Variants in SEM1 observed in about 807,000 individuals in gnomAD.
The protein encoded by SEM1 is 26S proteasome complex subunit SEM1.
Under a neutral mutation model 12.7 loss-of-function variants are expected in SEM1, and 3 were observed. That is an observed-to-expected ratio of 0.24 (90% CI 0.11 to 0.61). The LOEUF (loss-of-function observed/expected upper bound fraction) is 0.61, where lower values mean the gene tolerates loss of function less well. SEM1 is among the 20% of genes least tolerant of loss of function. The pLI, the probability that SEM1 is intolerant of heterozygous loss-of-function variation, is 0.88. For missense variants in SEM1, 59 were observed against 81.3 expected, an observed-to-expected ratio of 0.73 and a Z score of 1.06; for synonymous variants, 30 against 27.8, an observed-to-expected ratio of 1.08 and a Z score of -0.25.
downstream of SEM1, chr7:96,672,460 A>G (rs1789343329): frequency 6.6e-6 from 1 of 152,138 alleles, no homozygotes; most frequent in African/African-American, 2.4e-5. Flanking sequence ...AGTTTTTTAC[A>G]CTTTGATTTT....
intron 2 of SEM1, among the ~76,000 whole-genome samples, chr7:96,563,411 A>G (rs1055865310): frequency 2.0e-5 from 3 of 152,174 alleles, no homozygotes; most frequent in African/African-American, 4.8e-5. Context: ...GGCAAGTATT[A>G]TGACTGCCAG....
At chr7:96,567,564 G>C (rs974657131) in intron 2 of SEM1, among the ~76,000 whole-genome samples, 1 of 151,290 alleles carries the variant, frequency 6.6e-6, no homozygotes, top group African/African-American at 2.4e-5. Flanking sequence ...TGTAATGGTG[G>C]ACATCATTGT....
intron 1 of SEM1, among the ~76,000 whole-genome samples, chr7:96,700,552 T>A (rs1790239279): frequency 6.6e-6 from 1 of 152,190 alleles, no homozygotes; most frequent in African/African-American, 2.4e-5. Flanking sequence ...AAAAAATCTG[T>A]GTATAAATGG....
In SEM1 at chr7:96,709,835, GC is replaced by G; in HGVS notation, c.-73del. 3 of 1,436,730 alleles carry G rather than the reference GC, an allele frequency of 2.1e-6. No homozygotes were observed. The highest frequency in any genetic ancestry group is 2.9e-6 in the Non-Finnish European group (3 of 1,022,878). The allele number at this position is 1,436,730 out of a possible 1,614,324, so 89.0% of individuals were successfully genotyped here. A position where few individuals can be genotyped will look rare whatever the true frequency, so the allele number is the denominator to read the frequency against. Reference sequence around the variant, plus strand: ...AACCCTCACTCTTCCTCAAGGAAACGCCACCGTCACTACCGCCTCCGACGCT... The same window carrying G: ...AACCCTCACTCTTCCTCAAGGAAACGCACCGTCACTACCGCCTCCGACGCT... On this transcript the variant is annotated 5_prime_UTR_variant, in exon 1 of 3. Transcript: ENST00000248566.
intron 2 of SEM1, among the ~76,000 whole-genome samples, chr7:96,570,148 T>C (rs1161508435): frequency 6.6e-6 from 1 of 151,820 alleles, no homozygotes; most frequent in Non-Finnish European, 1.5e-5. Context: ...ACCAAGAGAG[T>C]ATAAGCATTT....
At chr7:96,635,120 A>G (rs1808391840) in intron 2 of SEM1, among the ~76,000 whole-genome samples, 1 of 152,084 alleles carries the variant, frequency 6.6e-6, no homozygotes, top group Admixed American at 6.6e-5. Context: ...TATGTTTTGG[A>G]GGAAAAGTCA....
chr7:96,554,611 A>C (rs1805415016), intron 2 of SEM1, among the ~76,000 whole-genome samples: 1 of 151,476 alleles, frequency 6.6e-6, no homozygotes, highest in African/African-American at 2.4e-5. Context: ...TATTTTATTG[A>C]GGATTTCTGC....
At chr7:96,510,290 C>T (rs898206900) in intron 2 of SEM1, among the ~76,000 whole-genome samples, 3 of 152,096 alleles carry the variant, frequency 2.0e-5, no homozygotes, top group Non-Finnish European at 4.4e-5. Flanking sequence ...GTGATTTTGT[C>T]GTTGTGCAAA....
At position 96,676,567 on chromosome 7, in the gene SEM1, A is replaced by C. The variant is rs1789454227; in HGVS notation, c.171-2708T>G. ...ATTAACAATGAAAGAAAAACAAGTA[A>C]AGGACTCAAGAACTTTCCATTAATT... is the stretch of plus-strand genomic sequence containing the variant. On this transcript the variant is annotated intron_variant, in intron 2 of 2. Transcript: ENST00000413065. Among the ~76,000 whole-genome samples, 2 of 152,200 alleles carry C rather than the reference A, an allele frequency of 1.3e-5. 1 individual carries two copies. Among genetic ancestry groups the C allele is most frequent in the Admixed American group, 1.3e-4 (2 of 15,272 alleles).
chr7:96,700,621 A>G (rs1790240633), intron 1 of SEM1, among the ~76,000 whole-genome samples: 1 of 152,152 alleles, frequency 6.6e-6, no homozygotes, highest in African/African-American at 2.4e-5. Context: ...TTTGAAACTT[A>G]TTTTCCTCTC....
rs369373559 is a variant in SEM1, at chr7:96,694,790, A to C, written c.170+8T>G. ...TGAACTACAATAAAAATCTGGCTTA[A>C]AACTTACCGTAACTGATTAGAGAAG... On this transcript the variant is annotated splice_region_variant and intron_variant, in intron 2 of 2. Coordinates refer to ENST00000248566, the MANE Select transcript of SEM1 (RefSeq NM_006304.2). 1 of 1,584,916 alleles carries C rather than the reference A, an allele frequency of 6.3e-7. No homozygotes were observed. The highest frequency in any genetic ancestry group is 1.3e-5 in the African/African-American group (1 of 74,336).
intron 1 of SEM1, among the ~76,000 whole-genome samples, chr7:96,490,979 C>T (rs1802983788): frequency 6.6e-6 from 1 of 152,170 alleles, no homozygotes; most frequent in African/African-American, 2.4e-5. Context: ...TCAGCTCCAG[C>T]ACACAGGATC....
chr7:96,622,566 C>A (rs773768332), exon 3 of SEM1: 6 of 762,420 alleles, frequency 7.9e-6, no homozygotes, highest in Non-Finnish European at 4.8e-6. Flanking sequence ...TTCTTATTAG[C>A]TGCATGATCA....
chr7:96,658,693 C>T (rs1208704045), intron 2 of SEM1, among the ~76,000 whole-genome samples: 1 of 152,166 alleles, frequency 6.6e-6, no homozygotes, highest in Non-Finnish European at 1.5e-5. Context: ...TTCCCTAATG[C>T]ACAACGTGAA....
chr7:96,610,104 GT>G (rs35778935), intron 2 of SEM1, among the ~76,000 whole-genome samples: 34,028 of 145,386 alleles, frequency 0.23, 4,388 homozygotes, highest in African/African-American at 0.39. Flanking sequence ...ATTCCAGCAG[GT>G]TTTTTTTTTT....
chr7:96,575,714 C>T (rs575263405), intron 2 of SEM1, among the ~76,000 whole-genome samples: 16 of 152,290 alleles, frequency 1.1e-4, no homozygotes, highest in Middle Eastern at 3.4e-3. Context: ...GGCTTTGTGG[C>T]GCTGCGGTGG....
chr7:96,571,385 G>A (rs1806022890), intron 2 of SEM1, among the ~76,000 whole-genome samples: 1 of 151,972 alleles, frequency 6.6e-6, no homozygotes, highest in Non-Finnish European at 1.5e-5. Flanking sequence ...TTTGTATAAT[G>A]TGTATGGAAG....
chr7:96,529,436 G>C (rs921567877), intron 2 of SEM1, among the ~76,000 whole-genome samples: 1 of 152,026 alleles, frequency 6.6e-6, no homozygotes, highest in Non-Finnish European at 1.5e-5. Flanking sequence ...TAGTTACAAA[G>C]TACTTTTGCA....
intron 2 of SEM1, among the ~76,000 whole-genome samples, chr7:96,639,336 C>T (rs1021117472): frequency 1.3e-5 from 2 of 151,738 alleles, no homozygotes; most frequent in South Asian, 2.1e-4. Flanking sequence ...CAAGACTTCC[C>T]GTAAAGATAT....
Sources: allele counts gnomAD v4.1 joint callset (sites outside exome capture counted in the v4.1 genomes callset), GRCh38; gene constraint gnomAD v4.1.1; transcripts MANE v1.5; gene names NCBI Gene and HGNC (gene_info 2026-07-23, HGNC 2026-07-21).